Variants in GATAD2B observed in about 807,000 individuals in gnomAD.
GATAD2B encodes transcriptional repressor p66-beta.
Under a neutral mutation model 64.3 loss-of-function variants are expected in GATAD2B, and 8 were observed. The ratio of observed to expected loss-of-function variants is 0.12; its 90% CI spans 0.07 to 0.22. GATAD2B has a LOEUF of 0.22. Ranked by LOEUF, GATAD2B falls within the 10% of genes least tolerant of loss-of-function variation. The pLI is 1.00. For synonymous variants in GATAD2B, 281 were observed against 271.3 expected (o/e 1.04, Z -0.35); for missense variants, 453 against 752.0 (o/e 0.60, Z 4.65).
At chr1:153,822,864 G>A (rs900775789) in intron 2 of GATAD2B, among the ~76,000 whole-genome samples, 4 of 152,168 alleles carry the variant, frequency 2.6e-5, no homozygotes, top group African/African-American at 9.6e-5. Context: ...CCAGGAAGGA[G>A]TGCAGTGGTG....
rs911600136 is a variant in GATAD2B, at chr1:153,898,201, G to A, written c.-2+24532C>T. Among the ~76,000 whole-genome samples the A allele has an allele frequency of 2.0e-5, 3 of 149,546 alleles. No individual in the cohort carries two copies. In the South Asian group the frequency reaches 6.3e-4, roughly 31 times the overall value. Reference sequence around the variant, plus strand: ...CATGCCTGTAGTCCCAGCTACTAGAGAGGCTAAGGAGAGAGAGGATTGCTA... The same window carrying A: ...CATGCCTGTAGTCCCAGCTACTAGAAAGGCTAAGGAGAGAGAGGATTGCTA... On this transcript the variant is annotated intron_variant, in intron 1 of 10. Transcript: ENST00000368655.
intron 1 of GATAD2B, among the ~76,000 whole-genome samples, chr1:153,904,279 CAAATAAATAAATAAATAAAT>C (rs71093301): frequency 2.7e-5 from 4 of 147,246 alleles, no homozygotes; most frequent in Admixed American, 1.4e-4. Flanking sequence ...AACTCCATCT[CAAATAAATAAATAAATAAAT>C]AAATAAATAA....
Position 153,828,147 on chromosome 1 carries a change from C to T in GATAD2B, c.201G>A (p.Gln67=), listed in dbSNP as rs1674947554. 1 of 1,614,066 alleles carries T rather than the reference C, an allele frequency of 6.2e-7. No homozygotes were observed. The highest frequency in any genetic ancestry group is 1.3e-5 in the African/African-American group (1 of 74,930). Residue 67 remains glutamine, a synonymous_variant, in exon 2 of 11, where the codon CAG becomes CAA. Coordinates refer to ENST00000368655, the MANE Select transcript of GATAD2B (RefSeq NM_020699.4). ...CATAGCCCTTGACACCACTGCCATC[C>T]TGTTTGGTGGGTAACTCATGTGGCA... ...LEVPHELPTK[Q]DGSGVKGYEE...
intron 1 of GATAD2B, among the ~76,000 whole-genome samples, chr1:153,848,504 T>C (rs1446240352): frequency 6.6e-6 from 1 of 152,184 alleles, no homozygotes; most frequent in Non-Finnish European, 1.5e-5. Flanking sequence ...TCTTCACTAG[T>C]TTCTACTCAT....
chr1:153,918,091 G>C (rs1678326500), intron 1 of GATAD2B, among the ~76,000 whole-genome samples: 1 of 152,160 alleles, frequency 6.6e-6, no homozygotes, highest in Non-Finnish European at 1.5e-5. Flanking sequence ...AGCATTCAAG[G>C]AGCAAGTCAG....
At chr1:153,830,498 C>T (rs1477647338) in intron 1 of GATAD2B, among the ~76,000 whole-genome samples, 4 of 79,816 alleles carry the variant, frequency 5.0e-5, no homozygotes, top group Admixed American at 1.4e-4. Context: ...TTTTTTGAGA[C>T]AGAGTCTCGC....
At chr1:153,842,722 G>T (rs1397204058) in intron 1 of GATAD2B, among the ~76,000 whole-genome samples, 1 of 151,970 alleles carries the variant, frequency 6.6e-6, no homozygotes, top group South Asian at 2.1e-4. Context: ...GCACAATCTC[G>T]GCTCACTGCA....
intron 2 of GATAD2B, among the ~76,000 whole-genome samples, chr1:153,826,271 G>A (rs1056899590): frequency 4.6e-5 from 7 of 151,844 alleles, no homozygotes; most frequent in Non-Finnish European, 8.8e-5. Context: ...CACCCGCCTC[G>A]GCCTCTCAAA....
chr1:153,879,501 C>T (rs566621333), intron 1 of GATAD2B, among the ~76,000 whole-genome samples: 1 of 152,174 alleles, frequency 6.6e-6, no homozygotes, highest in East Asian at 1.9e-4. Flanking sequence ...CAGTGGCTCA[C>T]GCCTGTAATC....
chr1:153,911,161 C>T (rs1678098632), intron 1 of GATAD2B, among the ~76,000 whole-genome samples: 1 of 151,996 alleles, frequency 6.6e-6, no homozygotes, highest in South Asian at 2.1e-4. Flanking sequence ...GAAAAGCTTT[C>T]AAGAAATTAA....
chr1:153,847,269 G>A (rs1365572038), intron 1 of GATAD2B, among the ~76,000 whole-genome samples: 1 of 152,062 alleles, frequency 6.6e-6, no homozygotes, highest in Non-Finnish European at 1.5e-5. Flanking sequence ...GCCTGGCCTG[G>A]AACTTCTATT....
chr1:153,867,564 T>A (rs1237598188), intron 1 of GATAD2B, among the ~76,000 whole-genome samples: 1 of 150,740 alleles, frequency 6.6e-6, no homozygotes, highest in Non-Finnish European at 1.5e-5. Context: ...ACTAAAAGAG[T>A]CACATAAGAG....
In GATAD2B at chr1:153,808,408, C is replaced by G. The variant is rs896373925; in HGVS notation, c.*1769G>C. ...AGCCTGATTTTAGCTCTTTCTCCCA[C>G]CCCACCTCCAAATTTTATGGGGAAG... On this transcript the variant is annotated 3_prime_UTR_variant, in exon 11 of 11. Coordinates refer to ENST00000368655, the MANE Select transcript of GATAD2B (RefSeq NM_020699.4). 1 of 152,602 alleles carries G rather than the reference C, an allele frequency of 6.6e-6. No homozygotes were observed. The highest frequency in any genetic ancestry group is 1.5e-5 in the Non-Finnish European group (1 of 68,034). The allele number at this position is 152,602 out of a possible 1,614,324, so 9.5% of individuals were successfully genotyped here. A position where few individuals can be genotyped will look rare whatever the true frequency, so the allele number is the denominator to read the frequency against.
At chr1:153,831,847 G>A (rs146003915) in intron 1 of GATAD2B, among the ~76,000 whole-genome samples, 70 of 152,284 alleles carry the variant, frequency 4.6e-4, no homozygotes, top group African/African-American at 1.4e-3. Context: ...CTGATTATAC[G>A]CCTAGACGCA....
intron 1 of GATAD2B, among the ~76,000 whole-genome samples, chr1:153,917,088 G>A (rs141003260): frequency 6.6e-6 from 1 of 150,728 alleles, no homozygotes; most frequent in Non-Finnish European, 1.5e-5. Context: ...ATACAGGTGT[G>A]AGCCCCCGCA....
At chr1:153,878,866 C>T (rs1053372529) in intron 1 of GATAD2B, among the ~76,000 whole-genome samples, 3 of 151,296 alleles carry the variant, frequency 2.0e-5, no homozygotes, top group Admixed American at 1.3e-4. Context: ...CAACCTCCAC[C>T]TCCCAGGTTC....
chr1:153,836,053 C>A (rs1675250666), intron 1 of GATAD2B, among the ~76,000 whole-genome samples: 1 of 151,540 alleles, frequency 6.6e-6, no homozygotes, highest in Admixed American at 6.6e-5. Flanking sequence ...ACTGGGAAAC[C>A]AAAAAATTTG....
intron 1 of GATAD2B, among the ~76,000 whole-genome samples, chr1:153,846,119 T>C (rs1439177738): frequency 2.0e-5 from 3 of 152,320 alleles, no homozygotes; most frequent in East Asian, 1.9e-4. Flanking sequence ...GAATTTGTTT[T>C]TCCATTAAAC....
intron 1 of GATAD2B, among the ~76,000 whole-genome samples, chr1:153,838,514 T>C (rs1376199029): frequency 3.3e-5 from 5 of 152,026 alleles, no homozygotes; most frequent in East Asian, 1.9e-4. Flanking sequence ...TCTTTTTTTT[T>C]CCCCCTTTTT....
Sources: allele counts gnomAD v4.1 joint callset (sites outside exome capture counted in the v4.1 genomes callset), GRCh38; gene constraint gnomAD v4.1.1; transcripts MANE v1.5; gene names NCBI Gene and HGNC (gene_info 2026-07-23, HGNC 2026-07-21).